The following NDUFA5 variants were observed in gnomAD, a reference collection of about 807,000 sequenced individuals.
The protein encoded by NDUFA5 is NADH:ubiquinone oxidoreductase subunit A5.
NDUFA5 carries 11 observed loss-of-function variants against 19.8 expected under a neutral mutation model. The ratio of observed to expected loss-of-function variants is 0.56; its 90% CI spans 0.35 to 0.92. The LOEUF (loss-of-function observed/expected upper bound fraction) is 0.92, where lower values mean the gene tolerates loss of function less well. Among genes scored for constraint, NDUFA5 ranks in the 40% least tolerant of loss-of-function variants. The pLI is 0.01. For synonymous variants in NDUFA5, 47 were observed against 46.8 expected (o/e 1.00, Z -0.01); for missense variants, 109 against 134.2 (o/e 0.81, Z 0.93).
rs1797880441 is a variant in NDUFA5 at position 123,540,196 on chromosome 7, T to C, written c.*1923A>G. ...GTAGTGCAGGTTTAATGAGTGAAAT[T>C]AGTCAGGTACTTATGATAGTGCCTG... On this transcript the variant is annotated 3_prime_UTR_variant, in exon 5 of 5. Coordinates refer to ENST00000355749, the MANE Select transcript of NDUFA5 (RefSeq NM_005000.5). 1 of 152,224 alleles carries C rather than the reference T, an allele frequency of 6.6e-6. No homozygotes were observed. Among genetic ancestry groups the C allele is most frequent in the African/African-American group, 2.4e-5 (1 of 41,454 alleles). 9.4% of individuals were successfully genotyped at this position (152,224 alleles called of 1,614,324 possible).
the NDUFA5 span, among the ~76,000 whole-genome samples, chr7:123,565,891 C>A: frequency 6.6e-6 from 1 of 152,028 alleles, no homozygotes; most frequent in Non-Finnish European, 1.5e-5. Context: ...TGGTGGCACG[C>A]ACCTGTAGTC....
At chr7:123,572,652 A>AC in the NDUFA5 span, among the ~76,000 whole-genome samples, 2 of 146,506 alleles carry the variant, frequency 1.4e-5, no homozygotes, top group African/African-American at 2.5e-5. Context: ...TGATATTATT[A>AC]CCCCACGGTT....
chr7:123,561,425 T>G (rs1456174679), upstream of NDUFA5, among the ~76,000 whole-genome samples: 1 of 152,256 alleles, frequency 6.6e-6, no homozygotes, highest in Non-Finnish European at 1.5e-5. Context: ...ATCATGAGAT[T>G]GCAGCAGTTC....
the NDUFA5 span, among the ~76,000 whole-genome samples, chr7:123,592,068 T>C: frequency 3.3e-5 from 5 of 152,318 alleles, no homozygotes; most frequent in Middle Eastern, 3.4e-3. Context: ...TTCTTCTAGA[T>C]ATTTTAGTTT....
chr7:123,574,847 T>C, the NDUFA5 span, among the ~76,000 whole-genome samples: 1 of 152,100 alleles, frequency 6.6e-6, no homozygotes, highest in Admixed American at 6.6e-5. Context: ...TCCTCCAAAG[T>C]ACTCTTTTTA....
At chr7:123,553,760 T>G (rs1007345813) in intron 2 of NDUFA5, among the ~76,000 whole-genome samples, 4 of 152,168 alleles carry the variant, frequency 2.6e-5, no homozygotes, top group Non-Finnish European at 5.9e-5. Context: ...CCCTCATCTG[T>G]AAGATGGGAA....
chr7:123,599,335 A>AT, the NDUFA5 span, among the ~76,000 whole-genome samples: 168 of 152,340 alleles, frequency 1.1e-3, no homozygotes, highest in Admixed American at 0.01. Context: ...GAACAACACC[A>AT]TTTTTTGTAG....
chr7:123,557,977 G>A, upstream of NDUFA5: 1 of 953,128 alleles, frequency 1.0e-6, no homozygotes, highest in Non-Finnish European at 1.6e-6. Flanking sequence ...ACGCATGCGC[G>A]ATGGGCATAC....
At position 123,557,767 on chromosome 7, in the gene NDUFA5, C is replaced by T. The variant is rs1358086864; in HGVS notation, c.21+8G>A. On this transcript the variant is annotated splice_region_variant and intron_variant, in intron 1 of 4. Coordinates refer to ENST00000355749, the MANE Select transcript of NDUFA5 (RefSeq NM_005000.5). ...CTAAATTCCAACAGTGACCTCCATT[C>T]GTCTCACCTTCTTCAGCACACCCGC... is the stretch of plus-strand genomic sequence containing the variant. The T allele has an allele frequency of 3.1e-6, 5 of 1,613,968 alleles. No homozygotes were observed. Among genetic ancestry groups the T allele is most frequent in the Non-Finnish European group, 4.2e-6 (5 of 1,179,988 alleles).
the NDUFA5 span, among the ~76,000 whole-genome samples, chr7:123,564,740 A>G: frequency 6.6e-6 from 1 of 152,196 alleles, no homozygotes; most frequent in Non-Finnish European, 1.5e-5. Context: ...CCATAAGTCA[A>G]GAAACATCTG....
chr7:123,557,734 C>G, intron 1 of NDUFA5, 41 bp downstream of exon 1: 1 of 1,614,048 alleles, frequency 6.2e-7, no homozygotes, highest in South Asian at 1.1e-5. Flanking sequence ...TGAGTCTACC[C>G]CCACAGTCTA....
At chr7:123,569,751 T>A in the NDUFA5 span, among the ~76,000 whole-genome samples, 3 of 152,160 alleles carry the variant, frequency 2.0e-5, no homozygotes, top group East Asian at 5.8e-4. Flanking sequence ...AAATGCATAG[T>A]GTAGCTGTGG....
chr7:123,569,182 T>C, the NDUFA5 span, among the ~76,000 whole-genome samples: 1 of 152,164 alleles, frequency 6.6e-6, no homozygotes, highest in African/African-American at 2.4e-5. Context: ...TAAGGAGTCA[T>C]TTTGTCCGGT....
intron 3 of NDUFA5, 75 bp downstream of exon 3, chr7:123,550,395 A>C (rs1798288479): frequency 7.5e-6 from 6 of 801,468 alleles, no homozygotes; most frequent in Non-Finnish European, 1.3e-5. Flanking sequence ...AGTGTGTCGA[A>C]TATATAAAAA....
At chr7:123,592,818 A>G in the NDUFA5 span, among the ~76,000 whole-genome samples, 1 of 151,870 alleles carries the variant, frequency 6.6e-6, no homozygotes, top group Non-Finnish European at 1.5e-5. Flanking sequence ...CAAGTCCTGG[A>G]TATCCTTGTT....
At chr7:123,544,213 T>A (rs1798041276) in intron 4 of NDUFA5, among the ~76,000 whole-genome samples, 1 of 152,074 alleles carries the variant, frequency 6.6e-6, no homozygotes, top group Admixed American at 6.6e-5. Context: ...ATAAAAAAAA[T>A]TTGAGCTGGG....
chr7:123,544,764 TAAA>T (rs61556029), intron 4 of NDUFA5, among the ~76,000 whole-genome samples: 5 of 61,832 alleles, frequency 8.1e-5, no homozygotes, highest in Non-Finnish European at 1.5e-4. Flanking sequence ...ATGCAAATCT[TAAA>T]AAAAAAAAAA....
chr7:123,579,262 G>C, the NDUFA5 span, among the ~76,000 whole-genome samples: 1 of 151,824 alleles, frequency 6.6e-6, no homozygotes, highest in Non-Finnish European at 1.5e-5. Context: ...AGTATTTCAT[G>C]GTGTAGATAT....
chr7:123,597,503 T>C, the NDUFA5 span, among the ~76,000 whole-genome samples: 1 of 152,192 alleles, frequency 6.6e-6, no homozygotes, highest in Non-Finnish European at 1.5e-5. Flanking sequence ...GTATTATTTG[T>C]GTTTCCAGGC....
Sources: allele counts gnomAD v4.1 joint callset (sites outside exome capture counted in the v4.1 genomes callset), GRCh38; gene constraint gnomAD v4.1.1; transcripts MANE v1.5; gene names NCBI Gene and HGNC (gene_info 2026-07-23, HGNC 2026-07-21).